Variants in NDUFS1 observed in about 807,000 individuals in gnomAD.
NDUFS1 encodes NADH:ubiquinone oxidoreductase core subunit S1, also known as NADH-ubiquinone oxidoreductase 75 kDa subunit, mitochondrial.
Under a neutral mutation model 84.4 loss-of-function variants are expected in NDUFS1, and 61 were observed. The observed-to-expected ratio is 0.72, with a 90% confidence interval of 0.59 to 0.89. The LOEUF is 0.89. NDUFS1 is among the 40% of genes least tolerant of loss of function. The pLI, the probability that NDUFS1 is intolerant of heterozygous loss-of-function variation, is 0.00. For synonymous variants in NDUFS1, 275 were observed against 290.0 expected, an observed-to-expected ratio of 0.95 and a Z score of 0.53; for missense variants, 891 against 890.0, an observed-to-expected ratio of 1.00 and a Z score of -0.01.
chr2:206,133,105 C>A lies in NDUFS1; in HGVS notation c.1393G>T (p.Val465Phe). ...ATTGGTTTTTTAGCTTCCTTTAGGA[C>A]CTATTTAAAAAAAAAAACAACTTTG... is the stretch of plus-strand genomic sequence containing the variant. ...IASGSHPFSQ[V>F]LKEAKKPMVV... The change falls in exon 14 of 19, where the codon GTC (valine) becomes TTC (phenylalanine). Residue 465 changes from valine (V) to phenylalanine (F), a missense_variant and splice_region_variant. By Grantham distance (50) the Val-to-Phe change is conservative. Transcript: ENST00000233190. 6.3e-7 allele frequency: 1 copy of A among 1,598,332 alleles called. No individual in the cohort carries two copies. Among genetic ancestry groups the A allele is most frequent in the Non-Finnish European group, 8.5e-7 (1 of 1,172,712 alleles).
intron 1 of NDUFS1, among the ~76,000 whole-genome samples, chr2:206,157,347 T>C (rs147794660): frequency 6.6e-6 from 1 of 152,264 alleles, no homozygotes; most frequent in East Asian, 1.9e-4. Context: ...AAACTGTAGG[T>C]TAGTAATCAA....
At chr2:206,136,709 C>T (rs1298798319) in intron 13 of NDUFS1, among the ~76,000 whole-genome samples, 2 of 151,472 alleles carry the variant, frequency 1.3e-5, no homozygotes, top group South Asian at 2.1e-4. Flanking sequence ...GCTGGGATTA[C>T]AGGTGTGAGC....
At chr2:206,143,718 C>A (rs1445281686) in intron 10 of NDUFS1, among the ~76,000 whole-genome samples, 3 of 152,058 alleles carry the variant, frequency 2.0e-5, no homozygotes, top group Non-Finnish European at 4.4e-5. Flanking sequence ...CTCCTACGTG[C>A]TCTCACTCAT....
At chr2:206,142,664 A>G (rs373675889) in intron 11 of NDUFS1, 22 bp downstream of exon 11, 10 of 1,614,126 alleles carry the variant, frequency 6.2e-6, no homozygotes, top group South Asian at 1.1e-5. Context: ...GAAAGCCTAG[A>G]TCCTAGCTTC....
chr2:206,159,317 C>A, intron 1 of NDUFS1, 24 bp downstream of exon 1: 1 of 652,544 alleles, frequency 1.5e-6, no homozygotes, highest in Admixed American at 2.4e-5. Context: ...GCACCTCACC[C>A]TTCCCATCCA....
rs200716719 is a variant in NDUFS1, at chr2:206,143,951, C to T, written c.987+67G>A. The T allele has an allele frequency of 5.7e-4, 741 of 1,296,018 alleles. 7 individuals are homozygous for T. Among genetic ancestry groups the T allele is most frequent in the East Asian group, 2.6e-3 (111 of 43,212 alleles). The allele number at this position is 1,296,018 out of a possible 1,614,324, so 80.3% of individuals were successfully genotyped here. The stretch of plus-strand genomic sequence containing the variant: ...AAAAGGGAAGAAATATACATCCCCC[C>T]CTTCATGGCAAAGATGTTTCTTGAT... On this transcript the variant is annotated intron_variant, in intron 10 of 18. Transcript: ENST00000233190.
intron 1 of NDUFS1, chr2:206,159,108 G>T: frequency 1.2e-5 from 19 of 1,535,722 alleles, no homozygotes; most frequent in Non-Finnish European, 1.7e-5. Context: ...TCGTGACAGC[G>T]TTCCCGAGGA....
intron 13 of NDUFS1, 72 bp downstream of exon 13, chr2:206,138,413 T>G: frequency 6.5e-7 from 1 of 1,541,046 alleles, no homozygotes; most frequent in Non-Finnish European, 8.9e-7. Flanking sequence ...ATAGGATTAT[T>G]ACAAAAACAG....
At chr2:206,128,435 G>C (rs1052446323) in intron 15 of NDUFS1, among the ~76,000 whole-genome samples, 4 of 151,142 alleles carry the variant, frequency 2.6e-5, no homozygotes, top group Admixed American at 6.6e-5. Flanking sequence ...CAAAGTGCTG[G>C]GATTACAGGC....
chr2:206,153,042 T>C (rs1468396222), intron 2 of NDUFS1, among the ~76,000 whole-genome samples: 1 of 152,226 alleles, frequency 6.6e-6, no homozygotes, highest in Admixed American at 6.5e-5. Context: ...AATATGTTCA[T>C]GGGAAGATCA....
intron 13 of NDUFS1, among the ~76,000 whole-genome samples, chr2:206,136,935 T>C (rs1187351261): frequency 6.6e-6 from 1 of 150,466 alleles, no homozygotes; most frequent in East Asian, 2.0e-4. Flanking sequence ...GTATTTTTAA[T>C]AGAGACGGAG....
chr2:206,150,263 ACTT>A (rs1355985387), intron 3 of NDUFS1, among the ~76,000 whole-genome samples: 2 of 152,124 alleles, frequency 1.3e-5, no homozygotes, highest in African/African-American at 2.4e-5. Context: ...TCATACCTGG[ACTT>A]CTTCTTTGCC....
At chr2:206,131,743 T>G (rs957581994) in intron 14 of NDUFS1, among the ~76,000 whole-genome samples, 2 of 151,924 alleles carry the variant, frequency 1.3e-5, no homozygotes, top group Non-Finnish European at 2.9e-5. Context: ...ATCGAGACCA[T>G]CCTGGCTAAC....
chr2:206,144,141 C>T lies in NDUFS1; in HGVS notation c.873-9G>A, dbSNP rs180899908. ...GCCCATCATAGGCAAATCTAGAAAA[C>T]AGAAATTACACCATTGTGGAATCTT... is the stretch of plus-strand genomic sequence containing the variant. On this transcript the variant is annotated splice_polypyrimidine_tract_variant and intron_variant, in intron 9 of 18. Coordinates refer to ENST00000233190, the MANE Select transcript of NDUFS1 (RefSeq NM_005006.7). 123 of 1,575,486 alleles carry T rather than the reference C, an allele frequency of 7.8e-5. No individual in the cohort carries two copies. In the African/African-American group the frequency reaches 1.5e-3, roughly 19 times the overall value.
chr2:206,124,447 A>G (rs1046240925), intron 18 of NDUFS1, among the ~76,000 whole-genome samples, 171 bp from the exon 19 acceptor site: 1 of 152,212 alleles, frequency 6.6e-6, no homozygotes, highest in Non-Finnish European at 1.5e-5. Flanking sequence ...TACTGGCCAC[A>G]TGCTTTCAAT....
intron 14 of NDUFS1, among the ~76,000 whole-genome samples, chr2:206,131,745 C>T (rs1691519500): frequency 6.6e-6 from 1 of 152,072 alleles, no homozygotes. Flanking sequence ...CGAGACCATC[C>T]TGGCTAACAC....
chr2:206,138,706 C>T lies in NDUFS1; in HGVS notation c.1263-92G>A, dbSNP rs918634365. On this transcript the variant is annotated intron_variant, in intron 12 of 18. Transcript: ENST00000233190. Reference sequence around the variant, plus strand: ...TAAGTGATACATCTATTTACTATTACAAAATGTTAAAAGCACAGACAATAC... The same window carrying T: ...TAAGTGATACATCTATTTACTATTATAAAATGTTAAAAGCACAGACAATAC... 4.5e-6 allele frequency: 6 copies of T among 1,328,666 alleles called. No homozygotes were observed. In the African/African-American group the frequency reaches 6.7e-5, roughly 15 times the overall value. The allele number at this position is 1,328,666 out of a possible 1,614,324, so 82.3% of individuals were successfully genotyped here.
rs753977755 is a variant in NDUFS1, at chr2:206,127,828, T to C, written c.1853A>G (p.Glu618Gly). ...VAVTPPGLAR[E>G]DWKIIRALSE... ...GAGTGCTCTTATAATTTTCCAGTCT[T>C]CTCTTGCCAAGCCAGGAGGTGTCAC... Residue 618 changes from glutamate to glycine, a missense_variant, in exon 16 of 19, where the codon GAA (glutamate) becomes GGA (glycine). Glu to Gly is a moderately conservative substitution (Grantham distance 98, BLOSUM62 -2). Coordinates refer to ENST00000233190, the MANE Select transcript of NDUFS1 (RefSeq NM_005006.7). 15 of 1,614,050 alleles carry C rather than the reference T, an allele frequency of 9.3e-6. No individual in the cohort carries two copies. Among genetic ancestry groups the C allele is most frequent in the Middle Eastern group, 1.6e-4 (1 of 6,084 alleles).
intron 18 of NDUFS1, 86 bp from the exon 19 acceptor site, chr2:206,124,362 A>G (rs1406074036): frequency 1.3e-5 from 13 of 1,013,244 alleles, no homozygotes. Context: ...CATATTCAGG[A>G]GGAAAAAAGA....
Sources: gnomAD v4.1 joint callset for allele counts (sites outside exome capture counted in the v4.1 genomes callset) on GRCh38, gnomAD v4.1.1 for gene constraint, MANE v1.5 for transcripts, NCBI Gene and HGNC (gene_info 2026-07-23, HGNC 2026-07-21) for gene names.